Variants in NECTIN3 observed in about 807,000 individuals in gnomAD.
NECTIN3 encodes nectin-3.
In NECTIN3, 8 loss-of-function variants were observed where a neutral mutation model predicts 49.4. The observed-to-expected ratio is 0.16, with a 90% confidence interval of 0.10 to 0.29. NECTIN3 has a LOEUF of 0.29. NECTIN3 is among the 10% of genes least tolerant of loss of function. NECTIN3 has a pLI of 1.00. For synonymous variants in NECTIN3, 277 were observed against 241.1 expected (o/e 1.15, Z -1.38); for missense variants, 581 against 654.6 (o/e 0.89, Z 1.23).
At chr3:111,111,899 ATGTGTGTGTGTG>A (rs10581136) in intron 1 of NECTIN3, 119 bp from the exon 2 acceptor site, 14,032 of 578,198 alleles carry the variant, frequency 0.024, 150 homozygotes, top group African/African-American at 0.066. Flanking sequence ...GTGTGTGTGC[ATGTGTGTGTGTG>A]TGTGTGTGTG....
At chr3:111,121,746 A>G (rs9850093) in intron 3 of NECTIN3, among the ~76,000 whole-genome samples, 144,225 of 152,252 alleles carry the variant, frequency 0.95, 68,790 homozygotes, top group East Asian at 1. Flanking sequence ...GTACTTAAAT[A>G]CCATGTCTTA....
rs916745655 is a variant in NECTIN3, at chr3:111,126,346, A to G, written c.1069+11A>G. On this transcript the variant is annotated intron_variant, in intron 5 of 5. Coordinates refer to ENST00000485303, the MANE Select transcript of NECTIN3 (RefSeq NM_015480.3). ...TCATCTACATTTCAGGTAAGTTACT[A>G]TCTGCTTGCAAAATGAGTTATTTAA... The G allele has an allele frequency of 2.5e-6, 4 of 1,593,404 alleles. No homozygotes were observed. The highest frequency in any genetic ancestry group is 1.8e-5 in the Admixed American group (1 of 56,590).
intron 7 of NECTIN3, among the ~76,000 whole-genome samples, chr3:111,181,278 CAT>C (rs1049740883): frequency 3.9e-5 from 6 of 152,126 alleles, no homozygotes; most frequent in African/African-American, 1.4e-4. Flanking sequence ...AAGATTCACC[CAT>C]GTTATTGCAT....
chr3:111,148,717 T>C (rs2107510927), intron 7 of NECTIN3, among the ~76,000 whole-genome samples: 1 of 152,328 alleles, frequency 6.6e-6, no homozygotes, highest in African/African-American at 2.4e-5. Context: ...TCTTTTTGTA[T>C]CATTTTTCAG....
chr3:111,183,812 G>A (rs1559822307), intron 7 of NECTIN3, among the ~76,000 whole-genome samples: 1 of 151,694 alleles, frequency 6.6e-6, no homozygotes, highest in African/African-American at 2.4e-5. Flanking sequence ...TTAGTTTTTA[G>A]CAATTAGATT....
Position 111,136,642 on chromosome 3 carries a change from C to T in NECTIN3, c.*2427C>T, listed in dbSNP as rs963089608. 21 of 906,290 alleles carry T rather than the reference C, an allele frequency of 2.3e-5. No individual in the cohort carries two copies. Among genetic ancestry groups the T allele is most frequent in the Non-Finnish European group, 2.8e-5 (21 of 758,544 alleles). 56.1% of individuals were successfully genotyped at this position (906,290 alleles called of 1,614,324 possible). On this transcript the variant is annotated 3_prime_UTR_variant, in exon 6 of 6. Transcript: ENST00000485303. ...TGAATACCAGTGATATTCATAACTA[C>T]TTGACAGGTATATATGAAAATTCTA...
chr3:111,188,370 A>G (rs1285685386), upstream of NECTIN3, among the ~76,000 whole-genome samples: 1 of 152,188 alleles, frequency 6.6e-6, no homozygotes, highest in Non-Finnish European at 1.5e-5. Context: ...ATTATATTAC[A>G]AAAGTTACAG....
At chr3:111,073,728 T>C (rs539882930) in intron 1 of NECTIN3, among the ~76,000 whole-genome samples, 1 of 152,180 alleles carries the variant, frequency 6.6e-6, no homozygotes, top group East Asian at 1.9e-4. Context: ...TGTTAAGGAC[T>C]GAGAGAATAT....
chr3:111,139,200 C>G (rs548242071), downstream of NECTIN3, among the ~76,000 whole-genome samples: 9 of 151,612 alleles, frequency 5.9e-5, no homozygotes, highest in South Asian at 4.2e-4. Flanking sequence ...ATTATTACAC[C>G]AAAATTAATA....
chr3:111,112,346 G>A lies in NECTIN3; in HGVS notation c.477G>A (p.Gln159=), dbSNP rs750574937. The A allele has an allele frequency of 2.5e-6, 4 of 1,609,088 alleles. No homozygotes were observed. The South Asian group carries it at 3.3e-5, about 13-fold the overall frequency. The change falls in exon 2 of 6, where the codon CAG becomes CAA. Residue 159 remains glutamine (Q), a synonymous_variant. Coordinates refer to ENST00000485303, the MANE Select transcript of NECTIN3 (RefSeq NM_015480.3). Reference sequence around the variant, plus strand: ...TTACATTCCCGCTTGGAAATGCCCAGTCCTCTACAACTGTAACTGTGTTAG... The same window carrying A: ...TTACATTCCCGCTTGGAAATGCCCAATCCTCTACAACTGTAACTGTGTTAG... ...KAVTFPLGNA[Q]SSTTVTVLVE...
At chr3:111,167,853 A>AT (rs2035350313) in intron 7 of NECTIN3, among the ~76,000 whole-genome samples, 1 of 152,312 alleles carries the variant, frequency 6.6e-6, no homozygotes, top group East Asian at 1.9e-4. Flanking sequence ...TTAGGACAGC[A>AT]TTATAATCTT....
intron 5 of NECTIN3, among the ~76,000 whole-genome samples, chr3:111,127,762 C>G (rs1481780456): frequency 6.6e-6 from 1 of 151,810 alleles, no homozygotes; most frequent in Non-Finnish European, 1.5e-5. Flanking sequence ...CAGGGGTGGT[C>G]TCTCTATGTT....
At chr3:111,111,586 C>CTG (rs1468944856) in intron 1 of NECTIN3, among the ~76,000 whole-genome samples, 1 of 152,142 alleles carries the variant, frequency 6.6e-6, no homozygotes, top group East Asian at 1.9e-4. Context: ...CTCTCAGTTT[C>CTG]TGTGTGCCAG....
At chr3:111,184,076 G>T (rs2035676373) in intron 7 of NECTIN3, among the ~76,000 whole-genome samples, 1 of 151,818 alleles carries the variant, frequency 6.6e-6, no homozygotes, top group Non-Finnish European at 1.5e-5. Flanking sequence ...GATAGATTCT[G>T]CCTTTAAGTA....
chr3:111,086,245 C>G (rs1260004961), intron 1 of NECTIN3, among the ~76,000 whole-genome samples: 1 of 152,096 alleles, frequency 6.6e-6, no homozygotes, highest in Non-Finnish European at 1.5e-5. Context: ...GGCCATTTCA[C>G]TCTGTGAATG....
intron 7 of NECTIN3, among the ~76,000 whole-genome samples, chr3:111,168,112 A>G (rs2035355884): frequency 1.3e-5 from 2 of 152,172 alleles, no homozygotes; most frequent in South Asian, 4.1e-4. Context: ...AGCATTTCAG[A>G]TATTCAGATT....
At chr3:111,183,515 T>C (rs1400784702) in intron 7 of NECTIN3, among the ~76,000 whole-genome samples, 1 of 152,142 alleles carries the variant, frequency 6.6e-6, no homozygotes, top group Non-Finnish European at 1.5e-5. Flanking sequence ...GGTTTTACCA[T>C]GTTGGCCAGG....
At chr3:111,097,051 A>G (rs2032627592) in intron 1 of NECTIN3, among the ~76,000 whole-genome samples, 1 of 152,192 alleles carries the variant, frequency 6.6e-6, no homozygotes. Flanking sequence ...AAAGCTGCAG[A>G]CACTCAATGC....
Position 111,118,831 on chromosome 3 carries a change from G to A in NECTIN3, c.678G>A (p.Thr226=), listed in dbSNP as rs148212762. The change falls in exon 3 of 6, where the codon ACG becomes ACA. Residue 226 remains threonine (T), a synonymous_variant. Transcript: ENST00000485303. ...TTTSFPNETA[T]IISQYKLFPT... Reference sequence around the variant, plus strand: ...CTTCTTTTCCAAATGAAACGGCAACGATTATCAGCCAGTACAAGCTATTTC... The same window carrying A: ...CTTCTTTTCCAAATGAAACGGCAACAATTATCAGCCAGTACAAGCTATTTC... The A allele has an allele frequency of 1.8e-4, 296 of 1,613,976 alleles. No individual in the cohort carries two copies. Among genetic ancestry groups the A allele is most frequent in the East Asian group, 3.6e-4 (16 of 44,862 alleles).
Sources: gnomAD v4.1 joint callset for allele counts (sites outside exome capture counted in the v4.1 genomes callset) on GRCh38, gnomAD v4.1.1 for gene constraint, MANE v1.5 for transcripts, NCBI Gene and HGNC (gene_info 2026-07-23, HGNC 2026-07-21) for gene names.